FTSJ3: variants seen among roughly 807,000 people sequenced by gnomAD.
The protein encoded by FTSJ3 is FtsJ RNA 2'-O-methyltransferase 3.
In FTSJ3, 46 loss-of-function variants were observed where a neutral mutation model predicts 111.5. The ratio of observed to expected loss-of-function variants is 0.41; its 90% CI spans 0.33 to 0.53. FTSJ3 has a LOEUF of 0.53. FTSJ3 is among the 20% of genes least tolerant of loss of function. The pLI is 0.19. For synonymous variants in FTSJ3, 408 were observed against 383.0 expected (o/e 1.07, Z -0.76); for missense variants, 1,075 against 1,063.8 (o/e 1.01, Z -0.15).
chr17:63,823,485 C>T lies in FTSJ3; in HGVS notation c.1290+332G>A, dbSNP rs149030128. 6.4e-3 allele frequency: 1,260 copies of T among 198,280 alleles called. 21 individuals carry two copies. Among genetic ancestry groups the T allele is most frequent in the African/African-American group, 0.027 (1,172 of 42,774 alleles). 12.3% of individuals were successfully genotyped at this position (198,280 alleles called of 1,614,324 possible). A position where few individuals can be genotyped will look rare whatever the true frequency, so the allele number is the denominator to read the frequency against. On this transcript the variant is annotated intron_variant, in intron 13 of 20. Coordinates refer to ENST00000427159, the MANE Select transcript of FTSJ3 (RefSeq NM_017647.4). Reference sequence around the variant, plus strand: ...TGGTAGGCGCCTGTTGTCCCAGCTACTCGGGAGGCTGAGGCAGGAGAATGG... The same window carrying T: ...TGGTAGGCGCCTGTTGTCCCAGCTATTCGGGAGGCTGAGGCAGGAGAATGG...
Position 63,825,563 on chromosome 17 carries a change from T to G in FTSJ3, c.373A>C (p.Ser125Arg). The G allele has an allele frequency of 6.2e-7, 1 of 1,614,164 alleles. No homozygotes were observed. The highest frequency in any genetic ancestry group is 8.5e-7 in the Non-Finnish European group (1 of 1,180,006). Residue 125 changes from serine to arginine, a missense_variant, in exon 6 of 21, where the codon AGC becomes CGC. This residue lies in a region of FTSJ3 where 208 missense variants were observed against 266.9 expected (regional missense o/e 0.78). Coordinates refer to ENST00000427159, the MANE Select transcript of FTSJ3 (RefSeq NM_017647.4). ...TGTGAGTAAGCATCATGGACCCAGC[T>G]AGCCCCAACGTTGGGGGCCCCATCA... is the stretch of plus-strand genomic sequence containing the variant. ...LNDGAPNVGA[S>R]WVHDAYSQAH...
Position 63,821,432 on chromosome 17 carries a change from G to A in FTSJ3, c.1808C>T (p.Ala603Val). The A allele has an allele frequency of 6.2e-7, 1 of 1,614,174 alleles. No individual in the cohort carries two copies. Among genetic ancestry groups the A allele is most frequent in the South Asian group, 1.1e-5 (1 of 91,082 alleles). Residue 603 changes from alanine to valine, a missense_variant, in exon 16 of 21, where the codon GCT (alanine) becomes GTT (valine). Physicochemically the swap from Ala to Val is moderately conservative, Grantham distance 64. This residue lies in a region of FTSJ3 where 867 missense variants were observed against 796.9 expected (regional missense o/e 1.09). Coordinates refer to ENST00000427159, the MANE Select transcript of FTSJ3 (RefSeq NM_017647.4). The stretch of plus-strand genomic sequence containing the variant: ...TTCTTCCCCTTCAAGGCCAGTGGCA[G>A]CTTCTGTCCCCGAAGAAGCCTCTGT... ...KGTEASSGTEAATGLEGEEKD... is the reference protein window; with the variant it reads ...KGTEASSGTEVATGLEGEEKD...
In FTSJ3 at chr17:63,826,598, A is replaced by G; in HGVS notation, c.142T>C (p.Leu48=). The change falls in exon 3 of 21, where the codon TTG becomes CTG. Residue 48 remains leucine, a synonymous_variant. Coordinates refer to ENST00000427159, the MANE Select transcript of FTSJ3 (RefSeq NM_017647.4). ...RFQFLQKARA[L]LDLCAAPGGW... is the part of the protein sequence containing the mutation. ...CCTGGCGCAGCACACAGGTCCAGCAAGGCTCGGGCTTTCTGCAGGAACTGA... is the reference window on the plus strand; with the variant it reads ...CCTGGCGCAGCACACAGGTCCAGCAGGGCTCGGGCTTTCTGCAGGAACTGA... 6.2e-7 allele frequency: 1 copy of G among 1,614,098 alleles called. No individual in the cohort carries two copies. The highest frequency in any genetic ancestry group is 8.5e-7 in the Non-Finnish European group (1 of 1,179,968).
chr17:63,827,077 A>C lies in FTSJ3; in HGVS notation c.-52T>G. 1 of 639,500 alleles carries C rather than the reference A, an allele frequency of 1.6e-6. No homozygotes were observed. Among genetic ancestry groups the C allele is most frequent in the Non-Finnish European group, 2.7e-6 (1 of 365,390 alleles). 39.6% of individuals were successfully genotyped at this position (639,500 alleles called of 1,614,324 possible). A position where few individuals can be genotyped will look rare whatever the true frequency, so the allele number is the denominator to read the frequency against. The stretch of plus-strand genomic sequence containing the variant: ...CTAGACCCAGAGCCGCTTTCTCCAC[A>C]CTTGGAACCGCACAAGTATGCAGCT... On this transcript the variant is annotated 5_prime_UTR_variant, in exon 1 of 21. Transcript: ENST00000427159.
intron 13 of FTSJ3, 84 bp downstream of exon 13, chr17:63,823,732 TA>T (rs1433776806): frequency 2.1e-5 from 31 of 1,497,360 alleles, no homozygotes; most frequent in Non-Finnish European, 2.7e-5. Context: ...TTCGGCAACC[TA>T]AAAAGACATT....
At position 63,821,360 on chromosome 17, in the gene FTSJ3, T is replaced by G; in HGVS notation, c.1880A>C (p.Glu627Ala). The G allele has an allele frequency of 6.2e-7, 1 of 1,605,072 alleles. No individual in the cohort carries two copies. The highest frequency in any genetic ancestry group is 8.5e-7 in the Non-Finnish European group (1 of 1,175,156). Residue 627 changes from glutamate to alanine, a missense_variant, in exon 16 of 21, where the codon GAA becomes GCA. Around this residue, in one of 2 missense-constraint regions of FTSJ3, gnomAD observed 867 missense variants for 796.9 expected, o/e 1.09. Coordinates refer to ENST00000427159, the MANE Select transcript of FTSJ3 (RefSeq NM_017647.4). ...CTCAGCTGCAACTACTCACCTCTCT[T>G]CTTCCTCACTGCTAGTACTGCTATC... is the stretch of plus-strand genomic sequence containing the variant. ...DSDSSTSSEE[E>A]ESWEPLRGKK...
At chr17:63,826,540 G>A (rs753538085) in intron 3 of FTSJ3, 27 bp downstream of exon 3, 2 of 1,578,314 alleles carry the variant, frequency 1.3e-6, no homozygotes, top group South Asian at 1.1e-5. Context: ...CGGCCACCAG[G>A]AGCAACCTGT....
rs572862880 is a variant in FTSJ3 at position 63,821,720 on chromosome 17, T to G, written c.1596+3A>C. 6.2e-7 allele frequency: 1 copy of G among 1,614,220 alleles called. No homozygotes were observed. Among genetic ancestry groups the G allele is most frequent in the South Asian group, 1.1e-5 (1 of 91,082 alleles). On this transcript the variant is annotated splice_donor_region_variant and intron_variant, in intron 15 of 20. Coordinates refer to ENST00000427159, the MANE Select transcript of FTSJ3 (RefSeq NM_017647.4). ...CGCAGTCTTGCCCCCGGCCTCTCCT[T>G]ACCTTTGAGAACCACAGGTTGGCTT...
At position 63,822,150 on chromosome 17, in the gene FTSJ3, G is replaced by A; in HGVS notation, c.1309C>T (p.Gln437Ter). The change falls in exon 14 of 21, where the codon CAA becomes TAA. Residue 437 changes from glutamine (Q) to a stop codon, truncating the protein, a stop_gained. Coordinates refer to ENST00000427159, the MANE Select transcript of FTSJ3 (RefSeq NM_017647.4). LOFTEE classifies it high-confidence loss of function. Reference protein sequence around the residue: ...RGHQLLEEVTQGDMSAADTFL... With the variant: ...RGHQLLEEVT ...GTGTCTGCTGCACTCATATCCCCTT[G>A]TGTTACTTCCTCTAATAACTGAAGT... 2 of 1,613,692 alleles carry A rather than the reference G, an allele frequency of 1.2e-6. No individual in the cohort carries two copies. The highest frequency in any genetic ancestry group is 1.7e-6 in the Non-Finnish European group (2 of 1,179,802).
chr17:63,821,517 G>C lies in FTSJ3; in HGVS notation c.1723C>G (p.Pro575Ala), dbSNP rs374584906. The C allele has an allele frequency of 1.1e-5, 17 of 1,613,984 alleles. No individual in the cohort carries two copies. In the African/African-American group the frequency reaches 1.7e-4, roughly 16 times the overall value. Residue 575 changes from proline to alanine, a missense_variant, in exon 16 of 21, where the codon CCT becomes GCT. Coordinates refer to ENST00000427159, the MANE Select transcript of FTSJ3 (RefSeq NM_017647.4). ...ATTATCTCAGTCTTCAAACAGGAAGGGGGTGTCTGTGGCAGCTGCTGCTTC... is the reference window on the plus strand; with the variant it reads ...ATTATCTCAGTCTTCAAACAGGAAGCGGGTGTCTGTGGCAGCTGCTGCTTC... ...QQKQQLPQTP[P>A]SCLKTEIMSP... is the part of the protein sequence containing the mutation.
chr17:63,822,234 C>CGTGA, intron 13 of FTSJ3, 66 bp from the exon 14 acceptor site: 2 of 1,370,360 alleles, frequency 1.5e-6, no homozygotes, highest in South Asian at 2.6e-5. Context: ...TTTCTGTGTC[C>CGTGA]CTCACCTCAG....
chr17:63,819,816 GT>G lies in FTSJ3; in HGVS notation c.2529del (p.Lys843AsnfsTer31). 2 of 1,613,054 alleles carry G rather than the reference GT, an allele frequency of 1.2e-6. No individual in the cohort carries two copies. The highest frequency in any genetic ancestry group is 2.2e-5 in the East Asian group (1 of 44,854). ...RAQQRKEQKKKHKRK is the reference protein window; with the variant it reads ...RAQQRKEQKKXHKRK ...GGCAGCTCTGCTTACTTCCGTTTGT[GT>G]TTTTTCTTTTGTTCCTTACGTTGCT... On this transcript the variant is annotated frameshift_variant, in exon 21 of 21. Transcript: ENST00000427159. LOFTEE classifies it high-confidence loss of function.
intron 5 of FTSJ3, 71 bp from the exon 6 acceptor site, chr17:63,825,706 A>G: frequency 7.1e-7 from 1 of 1,405,946 alleles, no homozygotes; most frequent in Non-Finnish European, 1.0e-6. Flanking sequence ...TTGTCCATCT[A>G]GTCATTTGCT....
rs2040086303 is a variant in FTSJ3 at position 63,825,171 on chromosome 17, T to C, written c.596-8A>G. ...TGTCAGGGGCCAGGAATCCTAAAAA[T>C]GACAGGATATATTAAAAAGTGTGCT... On this transcript the variant is annotated splice_region_variant and splice_polypyrimidine_tract_variant and intron_variant, in intron 7 of 20. Transcript: ENST00000427159. 6.2e-7 allele frequency: 1 copy of C among 1,613,902 alleles called. No individual in the cohort carries two copies. The highest frequency in any genetic ancestry group is 1.7e-5 in the Admixed American group (1 of 59,992).
Position 63,824,588 on chromosome 17 carries a change from T to C in FTSJ3, c.917+49A>G, listed in dbSNP as rs186469591. The C allele has an allele frequency of 6.6e-6, 10 of 1,514,598 alleles. No individual in the cohort carries two copies. The African/African-American group carries it at 1.4e-4, about 21-fold the overall frequency. 93.8% of individuals were successfully genotyped at this position (1,514,598 alleles called of 1,614,324 possible). ...TTCCCAGAGGTCCAACATCATGGCC[T>C]TTCCCTGCCTCCAGGGCTCCTGGCC... is the stretch of plus-strand genomic sequence containing the variant. On this transcript the variant is annotated intron_variant, in intron 10 of 20. Coordinates refer to ENST00000427159, the MANE Select transcript of FTSJ3 (RefSeq NM_017647.4).
At position 63,824,823 on chromosome 17, in the gene FTSJ3, A is replaced by G. The variant is rs770516105; in HGVS notation, c.816+2T>C. 37 of 1,611,116 alleles carry G rather than the reference A, an allele frequency of 2.3e-5. No individual in the cohort carries two copies. The highest frequency in any genetic ancestry group is 3.3e-5 in the Admixed American group (2 of 59,954). On this transcript the variant is annotated splice_donor_variant, in intron 9 of 20. Transcript: ENST00000427159. LOFTEE classifies it high-confidence loss of function. The stretch of plus-strand genomic sequence containing the variant: ...TCATGTCCCTCAAGGCTGGAGACTC[A>G]CTTCGCTGGCCTTGGAGAGGAAGTC...
At position 63,821,404 on chromosome 17, in the gene FTSJ3, C is replaced by G. The variant is rs781485517; in HGVS notation, c.1836G>C (p.Lys612Asn). ...TGCTATCACTGTCTGAGATGCCATCCTTTTCTTCCCCTTCAAGGCCAGTGG... is the reference window on the plus strand; with the variant it reads ...TGCTATCACTGTCTGAGATGCCATCGTTTTCTTCCCCTTCAAGGCCAGTGG... The part of the protein sequence containing the change: ...EAATGLEGEE[K>N]DGISDSDSST... Residue 612 changes from lysine to asparagine, a missense_variant, in exon 16 of 21, where the codon AAG becomes AAC. By Grantham distance (94) the Lys-to-Asn change is moderately conservative. Transcript: ENST00000427159. 1.4e-5 allele frequency: 22 copies of G among 1,613,904 alleles called. No individual in the cohort carries two copies. The highest frequency in any genetic ancestry group is 3.3e-5 in the Admixed American group (2 of 60,010).
At position 63,819,736 on chromosome 17, in the gene FTSJ3, C is replaced by T; in HGVS notation, c.*66G>A. 6.9e-7 allele frequency: 1 copy of T among 1,450,972 alleles called. No homozygotes were observed. Among genetic ancestry groups the T allele is most frequent in the African/African-American group, 1.4e-5 (1 of 70,956 alleles). The allele number at this position is 1,450,972 out of a possible 1,614,324, so 89.9% of individuals were successfully genotyped here. ...GGGCTAGGCCGGTAATCAAGGGGGC[C>T]AGACTGAGCCATGCCACACCCTTCC... is the stretch of plus-strand genomic sequence containing the variant. On this transcript the variant is annotated 3_prime_UTR_variant, in exon 21 of 21. Coordinates refer to ENST00000427159, the MANE Select transcript of FTSJ3 (RefSeq NM_017647.4).
At position 63,825,032 on chromosome 17, in the gene FTSJ3, A is replaced by G; in HGVS notation, c.711+16T>C. On this transcript the variant is annotated intron_variant, in intron 8 of 20. Transcript: ENST00000427159. ...AGTTCCAGGACCCAAGAGTGACCCC[A>G]TTCCCCAAAACACACCTTTGGCTTC... The G allele has an allele frequency of 6.2e-7, 1 of 1,610,846 alleles. No individual in the cohort carries two copies. Among genetic ancestry groups the G allele is most frequent in the South Asian group, 1.1e-5 (1 of 91,012 alleles).
Sources: gnomAD v4.1 joint callset for allele counts on GRCh38, gnomAD v4.1.1 for gene constraint, gnomAD v4.1.1 regional missense constraint, MANE v1.5 for transcripts, NCBI Gene and HGNC (gene_info 2026-07-23, HGNC 2026-07-21) for gene names.